GPRIN1: variants seen among roughly 807,000 people sequenced by gnomAD.
GPRIN1 encodes G protein regulated inducer of neurite outgrowth 1.
GPRIN1 carries 4 observed loss-of-function variants against 2.8 expected under a neutral mutation model. The ratio of observed to expected loss-of-function variants is 1.45; its 90% confidence interval spans 0.71 to 3.32. The LOEUF (loss-of-function observed/expected upper bound fraction) is 3.32. Among genes scored for constraint, GPRIN1 ranks in the 30% most tolerant of loss-of-function variants. GPRIN1 has a pLI of 0.01. For missense variants in GPRIN1, 1,322 were observed against 1,343.4 expected, an observed-to-expected ratio of 0.98 and a Z score of 0.25; for synonymous variants, 589 against 589.9, an observed-to-expected ratio of 1.00 and a Z score of 0.02.
At position 176,598,255 on chromosome 5, in the gene GPRIN1, G is replaced by C; in HGVS notation, c.1580C>G (p.Ala527Gly). ...GKGDPLSSEK[A>G]GLVASGKAAP... is the part of the protein sequence containing the mutation. ...CGCCTTTCCAGAGGCCACCAGACCT[G>C]CCTTCTCCGAGGACAGGGGATCTCC... is the stretch of plus-strand genomic sequence containing the variant. The change falls in exon 2 of 2, where the codon GCA (alanine) becomes GGA (glycine). Residue 527 changes from alanine (A) to glycine (G), a missense_variant. Physicochemically the swap from Ala to Gly is moderately conservative, Grantham distance 60. Coordinates refer to ENST00000303991, the MANE Select transcript of GPRIN1 (RefSeq NM_052899.3). The C allele has an allele frequency of 6.2e-7, 1 of 1,612,954 alleles. No homozygotes were observed. Among genetic ancestry groups the C allele is most frequent in the Non-Finnish European group, 8.5e-7 (1 of 1,179,808 alleles).
At position 176,598,452 on chromosome 5, in the gene GPRIN1, G is replaced by A. The variant is rs1036389474; in HGVS notation, c.1383C>T (p.Ser461=). The change falls in exon 2 of 2, where the codon TCC becomes TCT. Residue 461 remains serine, a synonymous_variant. Transcript: ENST00000303991. ...VSPGKEDPVS[S]RREDPISAGS... ...CAGCAGATATGGGGTCCTCCCTTCTGGAGGACACCGGGTCCTCTTTTCCTG... is the reference window on the plus strand; with the variant it reads ...CAGCAGATATGGGGTCCTCCCTTCTAGAGGACACCGGGTCCTCTTTTCCTG... 4 of 1,613,888 alleles carry A rather than the reference G, an allele frequency of 2.5e-6. No homozygotes were observed. Among genetic ancestry groups the A allele is most frequent in the Non-Finnish European group, 2.5e-6 (3 of 1,179,986 alleles).
chr5:176,609,340 G>C lies in GPRIN1; in HGVS notation c.-44+659C>G, dbSNP rs374664917. On this transcript the variant is annotated intron_variant, in intron 1 of 1. Transcript: ENST00000303991. ...ATGGCTGGTTTGAGTGCGTAGCTGT[G>C]CCTGGGTGTGTACGCAAGGCTCCCA... Among the ~76,000 whole-genome samples, 6 of 152,280 alleles carry C rather than the reference G, an allele frequency of 3.9e-5. No individual in the cohort carries two copies. In the South Asian group the frequency reaches 8.3e-4, roughly 21 times the overall value.
At position 176,602,087 on chromosome 5, in the gene GPRIN1, C is replaced by T. The variant is rs182870298; in HGVS notation, c.-43-2210G>A. 4.6e-5 allele frequency among the ~76,000 whole-genome samples: 7 copies of T among 152,372 alleles called. No homozygotes were observed. In the East Asian group the frequency reaches 1.2e-3, roughly 25 times the overall value. On this transcript the variant is annotated intron_variant, in intron 1 of 1. Coordinates refer to ENST00000303991, the MANE Select transcript of GPRIN1 (RefSeq NM_052899.3). This position sits in a 1 kb window ranked among gnomAD's most constrained non-coding sequence, Gnocchi z 4.4. ...TGCCCTTTCTGCTGCTGCTCTCCCT[C>T]TCCCTCACGCTGCTTCAGCCACGCG...
At position 176,602,487 on chromosome 5, in the gene GPRIN1, C is replaced by T. The variant is rs191088637; in HGVS notation, c.-43-2610G>A. On this transcript the variant is annotated intron_variant, in intron 1 of 1. Coordinates refer to ENST00000303991, the MANE Select transcript of GPRIN1 (RefSeq NM_052899.3). The surrounding 1 kb of genome is among the most constrained non-coding windows in gnomAD (Gnocchi z 4.4). Reference sequence around the variant, plus strand: ...GCAGTAAGCAAGGAAGATCCTCATACGGATTTGTTCCATGAATGACTGAAT... The same window carrying T: ...GCAGTAAGCAAGGAAGATCCTCATATGGATTTGTTCCATGAATGACTGAAT... 1.9e-4 allele frequency among the ~76,000 whole-genome samples: 29 copies of T among 152,294 alleles called. No homozygotes were observed. The highest frequency in any genetic ancestry group is 5.5e-4 in the African/African-American group (23 of 41,550).
chr5:176,602,208 A>C lies in GPRIN1; in HGVS notation c.-43-2331T>G, dbSNP rs1759158059. 6.6e-6 allele frequency among the ~76,000 whole-genome samples: 1 copy of C among 152,158 alleles called. No homozygotes were observed. Among genetic ancestry groups the C allele is most frequent in the South Asian group, 2.1e-4 (1 of 4,832 alleles). ...TCTGCATGGAGAGATTTCTCTCCAA[A>C]TATCTGCATGGTCGGCTCCCCAAGG... is the stretch of plus-strand genomic sequence containing the variant. On this transcript the variant is annotated intron_variant, in intron 1 of 1. Transcript: ENST00000303991. The surrounding 1 kb of genome is among the most constrained non-coding windows in gnomAD (Gnocchi z 4.4).
At chr5:176,609,589 CG>C (rs1177511939) in intron 1 of GPRIN1, among the ~76,000 whole-genome samples, 2 of 152,104 alleles carry the variant, frequency 1.3e-5, no homozygotes, top group Non-Finnish European at 2.9e-5. Context: ...GAGCTCGCTC[CG>C]GGGAAGATGA....
rs1159214589 is a variant in GPRIN1 at position 176,598,689 on chromosome 5, TGAG to T, written c.1143_1145del (p.Ser382del). ...GGCCAGACACAGGACGCCCCTCTCC[TGAG>T]GAGGCAGGGTCCATCTTTCCCAGGA... On this transcript the variant is annotated inframe_deletion, in exon 2 of 2. Transcript: ENST00000303991. The T allele has an allele frequency of 6.2e-7, 1 of 1,614,102 alleles. No homozygotes were observed. Among genetic ancestry groups the T allele is most frequent in the East Asian group, 2.2e-5 (1 of 44,888 alleles).
chr5:176,609,145 C>T (rs1019850397), intron 1 of GPRIN1, among the ~76,000 whole-genome samples: 10 of 152,162 alleles, frequency 6.6e-5, no homozygotes, highest in African/African-American at 2.4e-4. Context: ...CGCTAAGAGA[C>T]AGAGTGTGTG....
intron 1 of GPRIN1, among the ~76,000 whole-genome samples, chr5:176,607,280 C>A (rs1759234438): frequency 1.3e-5 from 2 of 152,180 alleles, no homozygotes; most frequent in South Asian, 4.1e-4. Context: ...GGCCTGAGGC[C>A]CCACATTCTC....
Position 176,599,778 on chromosome 5 carries a change from G to A in GPRIN1, c.57C>T (p.Pro19=). Residue 19 remains proline, a synonymous_variant, in exon 2 of 2, where the codon CCC becomes CCT. Coordinates refer to ENST00000303991, the MANE Select transcript of GPRIN1 (RefSeq NM_052899.3). ...AGAAGGCTGTGGGTCGGGGTCCTGG[G>A]GGGCTGGAATCCTTTTGAAGCAGCT... The part of the protein sequence containing the change: ...WLQLLQKDSS[P]PGPRPTAFFC... The A allele has an allele frequency of 6.6e-7, 1 of 1,513,768 alleles. No homozygotes were observed. Among genetic ancestry groups the A allele is most frequent in the Non-Finnish European group, 8.8e-7 (1 of 1,130,244 alleles). 93.8% of individuals were successfully genotyped at this position (1,513,768 alleles called of 1,614,324 possible). A position where few individuals can be genotyped will look rare whatever the true frequency, so the allele number is the denominator to read the frequency against.
At chr5:176,600,897 C>A (rs1302941556) in intron 1 of GPRIN1, among the ~76,000 whole-genome samples, 1 of 152,110 alleles carries the variant, frequency 6.6e-6, no homozygotes, top group African/African-American at 2.4e-5. Flanking sequence ...GCCTGGGCAA[C>A]AGAGCAAGAC....
At chr5:176,604,194 G>A (rs1204975580) in intron 1 of GPRIN1, among the ~76,000 whole-genome samples, 1 of 152,204 alleles carries the variant, frequency 6.6e-6, no homozygotes, top group Non-Finnish European at 1.5e-5. Flanking sequence ...TGGATGCTGT[G>A]AAGACAAAGG....
In GPRIN1 at chr5:176,596,386, T is replaced by G. The variant is rs1759034038; in HGVS notation, c.*422A>C. On this transcript the variant is annotated 3_prime_UTR_variant, in exon 2 of 2. Coordinates refer to ENST00000303991, the MANE Select transcript of GPRIN1 (RefSeq NM_052899.3). This position sits in a 1 kb window ranked among gnomAD's most constrained non-coding sequence, Gnocchi z 5.2. Reference sequence around the variant, plus strand: ...CCGATCCTCACCCACTTGAAGCTTCTGCCACTCAGACTTGTATGCAGTCTC... The same window carrying G: ...CCGATCCTCACCCACTTGAAGCTTCGGCCACTCAGACTTGTATGCAGTCTC... 1 of 153,434 alleles carries G rather than the reference T, an allele frequency of 6.5e-6. No homozygotes were observed. Among genetic ancestry groups the G allele is most frequent in the Non-Finnish European group, 1.5e-5 (1 of 68,944 alleles). The allele number at this position is 153,434 out of a possible 1,614,324, so 9.5% of individuals were successfully genotyped here.
rs1287947766 is a variant in GPRIN1 at position 176,599,367 on chromosome 5, C to G, written c.468G>C (p.Lys156Asn). 6.2e-7 allele frequency: 1 copy of G among 1,614,206 alleles called. No individual in the cohort carries two copies. The highest frequency in any genetic ancestry group is 2.2e-5 in the East Asian group (1 of 44,884). ...NPMFLEKMDFKSSKQADSTSI... is the reference protein window; with the variant it reads ...NPMFLEKMDFNSSKQADSTSI... The stretch of plus-strand genomic sequence containing the variant: ...AAGTGGAATCGGCCTGCTTTGAGGA[C>G]TTGAAATCCATCTTCTCTAAGAACA... Residue 156 changes from lysine (K) to asparagine (N), a missense_variant, in exon 2 of 2, where the codon AAG becomes AAC. Lys to Asn is a moderately conservative substitution (Grantham distance 94). This residue lies in a region of GPRIN1 where 1,117 missense variants were observed against 1,128.6 expected (regional missense o/e 0.99). Transcript: ENST00000303991.
rs1416288299 is a variant in GPRIN1, at chr5:176,602,331, T to A, written c.-43-2454A>T. On this transcript the variant is annotated intron_variant, in intron 1 of 1. Transcript: ENST00000303991. This position sits in a 1 kb window ranked among gnomAD's most constrained non-coding sequence, Gnocchi z 4.4. ...AATCAGTTTTCCTCCATAGTACCTG[T>A]CACCATCTGACATATCACATATATT... Among the ~76,000 whole-genome samples the A allele has an allele frequency of 6.6e-6, 1 of 152,212 alleles. No individual in the cohort carries two copies. The highest frequency in any genetic ancestry group is 1.5e-5 in the Non-Finnish European group (1 of 68,046).
Position 176,598,941 on chromosome 5 carries a change from A to G in GPRIN1, c.894T>C (p.Asp298=), listed in dbSNP as rs1393583886. 1 of 1,613,922 alleles carries G rather than the reference A, an allele frequency of 6.2e-7. No homozygotes were observed. The highest frequency in any genetic ancestry group is 8.5e-7 in the Non-Finnish European group (1 of 1,179,946). The change falls in exon 2 of 2, where the codon GAT becomes GAC. Residue 298 remains aspartate (D), a synonymous_variant. Coordinates refer to ENST00000303991, the MANE Select transcript of GPRIN1 (RefSeq NM_052899.3). ...AATCCATGCTTTCCAAGGGCATGGG[A>G]TCTGCCTTTCCCGAGGGCCCAGGAT... ...KRDPGPSGKA[D]PMPLESMDSA...
chr5:176,598,893 C>T lies in GPRIN1; in HGVS notation c.942G>A (p.Glu314=). Reference sequence around the variant, plus strand: ...GAATCAGCTTGCCCAGGAGCCCCGGCTCTGTCTTTCCTGTGGACGCAGAAT... The same window carrying T: ...GAATCAGCTTGCCCAGGAGCCCCGGTTCTGTCTTTCCTGTGGACGCAGAAT... ...SMDSASTGKT[E]PGLLGKLIPG... Residue 314 remains glutamate (E), a synonymous_variant, in exon 2 of 2, where the codon GAG becomes GAA. Coordinates refer to ENST00000303991, the MANE Select transcript of GPRIN1 (RefSeq NM_052899.3). 5.0e-6 allele frequency: 8 copies of T among 1,614,136 alleles called. No homozygotes were observed. Among genetic ancestry groups the T allele is most frequent in the Non-Finnish European group, 6.8e-6 (8 of 1,180,024 alleles).
chr5:176,597,960 C>T lies in GPRIN1; in HGVS notation c.1875G>A (p.Arg625=). ...ACTGCGGCTGTGCTTTCCCCGAGGC[C>T]CTGGGATCCGCCTTTGTGGTGGTAA... is the stretch of plus-strand genomic sequence containing the variant. The part of the protein sequence containing the change: ...SPVTTTKADP[R]ASGKAQPQSG... The change falls in exon 2 of 2, where the codon AGG becomes AGA. Residue 625 remains arginine (R), a synonymous_variant. Coordinates refer to ENST00000303991, the MANE Select transcript of GPRIN1 (RefSeq NM_052899.3). The surrounding 1 kb of genome is among the most constrained non-coding windows in gnomAD (Gnocchi z 6.1). 1 of 1,614,022 alleles carries T rather than the reference C, an allele frequency of 6.2e-7. No individual in the cohort carries two copies. Among genetic ancestry groups the T allele is most frequent in the Non-Finnish European group, 8.5e-7 (1 of 1,180,018 alleles).
In GPRIN1 at chr5:176,610,150, C is replaced by G. The variant is rs1231590077; in HGVS notation, c.-195G>C. The G allele has an allele frequency of 6.6e-6, 1 of 150,548 alleles. No homozygotes were observed. Among genetic ancestry groups the G allele is most frequent in the African/African-American group, 2.4e-5 (1 of 41,100 alleles). The allele number at this position is 150,548 out of a possible 1,614,324, so 9.3% of individuals were successfully genotyped here. ...CGCCGTCCCCAGCGCCGGCTCCGCG[C>G]TCCCGCCCCGCGCCCCGCCCCGGGC... On this transcript the variant is annotated 5_prime_UTR_variant, in exon 1 of 2. Coordinates refer to ENST00000303991, the MANE Select transcript of GPRIN1 (RefSeq NM_052899.3).
Sources: allele counts gnomAD v4.1 joint callset (sites outside exome capture counted in the v4.1 genomes callset), GRCh38; gene constraint gnomAD v4.1.1; regional missense constraint gnomAD v4.1.1; non-coding constraint Gnocchi (gnomAD v3.1); transcripts MANE v1.5; gene names NCBI Gene and HGNC (gene_info 2026-07-23, HGNC 2026-07-21).